FRMD6: variants seen among roughly 807,000 people sequenced by gnomAD.
FRMD6 encodes the protein FERM domain-containing protein 6.
A neutral mutation model predicts 73.2 loss-of-function variants in FRMD6; 37 were observed. The ratio of observed to expected loss-of-function variants is 0.51; its 90% CI spans 0.39 to 0.66. The LOEUF is 0.66. Ranked by LOEUF, FRMD6 falls within the 30% of genes least tolerant of loss-of-function variation. The probability of loss-of-function intolerance (pLI) is 0.00; values close to 1 mark genes in which losing one functional copy is unlikely to be tolerated. For missense variants in FRMD6, 714 were observed against 780.5 expected, an observed-to-expected ratio of 0.91 and a Z score of 1.02; for synonymous variants, 273 against 282.2, an observed-to-expected ratio of 0.97 and a Z score of 0.33.
intron 1 of FRMD6, among the ~76,000 whole-genome samples, chr14:51,680,795 T>C (rs553374630): frequency 6.6e-6 from 1 of 152,190 alleles, no homozygotes; most frequent in Non-Finnish European, 1.5e-5. Context: ...TACTAATCTG[T>C]TCCTGTCTTT....
At chr14:51,693,611 A>G (rs1277610235) in intron 2 of FRMD6, among the ~76,000 whole-genome samples, 1 of 4,632 alleles carries the variant, frequency 2.2e-4, no homozygotes, top group Non-Finnish European at 1.0e-3. Flanking sequence ...TGAAGTATTC[A>G]GTGAAGTGCC....
At chr14:51,613,590 A>C (rs1890597200) in intron 2 of FRMD6, among the ~76,000 whole-genome samples, 1 of 152,190 alleles carries the variant, frequency 6.6e-6, no homozygotes, top group Admixed American at 6.5e-5. Flanking sequence ...TTTCCAAGGC[A>C]GCGCAACTCC....
At chr14:51,681,975 G>C (rs1894829892) in intron 1 of FRMD6, among the ~76,000 whole-genome samples, 1 of 152,076 alleles carries the variant, frequency 6.6e-6, no homozygotes, top group South Asian at 2.1e-4. Context: ...AGCATATTCT[G>C]CGTGATTCTG....
chr14:51,542,303 A>G (rs1295282886), intron 1 of FRMD6, among the ~76,000 whole-genome samples: 1 of 152,020 alleles, frequency 6.6e-6, no homozygotes, highest in Non-Finnish European at 1.5e-5. Flanking sequence ...TCCTACCCGC[A>G]GTCTGACAAC....
At chr14:51,417,637 G>T in the FRMD6 span, among the ~76,000 whole-genome samples, 33 of 152,290 alleles carry the variant, frequency 2.2e-4, no homozygotes, top group South Asian at 5.2e-3. Flanking sequence ...TCTTGGGGTT[G>T]CTCTTCTCAA....
At chr14:51,554,790 A>C (rs1007815190) in intron 1 of FRMD6, 2 of 152,270 alleles carry the variant, frequency 1.3e-5, no homozygotes, top group African/African-American at 4.8e-5. Context: ...AATCCGAGAC[A>C]GAAAGAGGAC....
the FRMD6 span, among the ~76,000 whole-genome samples, chr14:51,420,612 A>G: frequency 6.6e-6 from 1 of 152,252 alleles, no homozygotes; most frequent in African/African-American, 2.4e-5. Context: ...TTGCATTTGT[A>G]CTGAACATGA....
chr14:51,499,891 T>C (rs1164452816), intron 1 of FRMD6, among the ~76,000 whole-genome samples: 1 of 152,170 alleles, frequency 6.6e-6, no homozygotes, highest in Non-Finnish European at 1.5e-5. Flanking sequence ...ACTGAGCTTG[T>C]TAAATTGAAA....
At chr14:51,542,786 C>T (rs1314554024) in intron 1 of FRMD6, among the ~76,000 whole-genome samples, 2 of 152,028 alleles carry the variant, frequency 1.3e-5, no homozygotes, top group African/African-American at 4.8e-5. Flanking sequence ...TTATTATACT[C>T]CATGTTTAAA....
At chr14:51,495,760 A>G (rs954439003) in intron 1 of FRMD6, among the ~76,000 whole-genome samples, 9 of 152,344 alleles carry the variant, frequency 5.9e-5, no homozygotes, top group Admixed American at 2.0e-4. Context: ...GGAATTGGAG[A>G]GGTAGAGGAA....
At chr14:51,431,512 C>T in the FRMD6 span, among the ~76,000 whole-genome samples, 1 of 152,192 alleles carries the variant, frequency 6.6e-6, no homozygotes, top group African/African-American at 2.4e-5. Context: ...TCTGAATGTT[C>T]TTGAGATGAT....
At chr14:51,644,353 T>TCACTCACA (rs1555330135) in intron 2 of FRMD6, among the ~76,000 whole-genome samples, 5 of 142,072 alleles carry the variant, frequency 3.5e-5, no homozygotes, top group African/African-American at 1.3e-4. Context: ...GCCTCACCCT[T>TCACTCACA]CACACACACA....
upstream of FRMD6, among the ~76,000 whole-genome samples, chr14:51,487,954 A>G (rs1882810854): frequency 1.3e-5 from 2 of 152,240 alleles, no homozygotes; most frequent in Non-Finnish European, 2.9e-5. Context: ...TAAGGAGATA[A>G]AGGACATTTT....
the FRMD6 span, among the ~76,000 whole-genome samples, chr14:51,418,484 G>A: frequency 5.1e-3 from 773 of 152,322 alleles, 8 homozygotes; most frequent in African/African-American, 0.017. Flanking sequence ...ATCACCAGTA[G>A]AGGCTGCAGA....
At chr14:51,718,668 G>A (rs1000285276) in intron 10 of FRMD6, among the ~76,000 whole-genome samples, 7 of 152,200 alleles carry the variant, frequency 4.6e-5, no homozygotes, top group African/African-American at 1.7e-4. Flanking sequence ...TTTTTGTTGT[G>A]ATGATATGTG....
the FRMD6 span, among the ~76,000 whole-genome samples, chr14:51,409,602 T>C: frequency 6.6e-6 from 1 of 152,144 alleles, no homozygotes; most frequent in Non-Finnish European, 1.5e-5. Context: ...TCCTTATTTA[T>C]TGTTATTATT....
chr14:51,519,361 G>T (rs1438924878), intron 1 of FRMD6, among the ~76,000 whole-genome samples: 1 of 151,974 alleles, frequency 6.6e-6, no homozygotes, highest in Non-Finnish European at 1.5e-5. Context: ...TGTTAGCTAG[G>T]CTGGTCTCGA....
At chr14:51,594,701 G>A (rs1274838604) in intron 2 of FRMD6, among the ~76,000 whole-genome samples, 2 of 152,078 alleles carry the variant, frequency 1.3e-5, no homozygotes, top group Non-Finnish European at 1.5e-5. Flanking sequence ...GACCTTAGGC[G>A]ATCCACCTGC....
At chr14:51,722,634 C>T (rs977557458) in intron 12 of FRMD6, among the ~76,000 whole-genome samples, 5 of 152,144 alleles carry the variant, frequency 3.3e-5, no homozygotes, top group South Asian at 4.1e-4. Flanking sequence ...AACATGCATT[C>T]CCTATAGTTA....
Sources: gnomAD v4.1 joint callset for allele counts (sites outside exome capture counted in the v4.1 genomes callset) on GRCh38, gnomAD v4.1.1 for gene constraint, MANE v1.5 for transcripts, NCBI Gene and HGNC (gene_info 2026-07-23, HGNC 2026-07-21) for gene names.